The following MTMR9 variants were observed in gnomAD, a reference collection of about 807,000 sequenced individuals.
MTMR9 encodes the protein myotubularin related protein 9, also known as myotubularin-related protein 9.
Under a neutral mutation model 69.5 loss-of-function variants are expected in MTMR9, and 39 were observed. The observed-to-expected ratio is 0.56, with a 90% CI of 0.43 to 0.73. MTMR9 has a LOEUF of 0.73. Among genes scored for constraint, MTMR9 ranks in the 30% least tolerant of loss-of-function variants. The pLI is 0.00. For missense variants in MTMR9, 900 were observed against 671.2 expected, an observed-to-expected ratio of 1.34 and a Z score of -3.77; for synonymous variants, 354 against 240.8, an observed-to-expected ratio of 1.47 and a Z score of -4.35.
Position 11,322,635 on chromosome 8 carries a change from A to G in MTMR9, c.1497A>G (p.Leu499=). 3.7e-6 allele frequency: 6 copies of G among 1,613,410 alleles called. No individual in the cohort carries two copies. Among genetic ancestry groups the G allele is most frequent in the Non-Finnish European group, 5.1e-6 (6 of 1,179,684 alleles). ...TCCTGGATTCAATAGGTATTTTCCT[A>G]CGTTGGAATAGATCCTCTAAGTATT... ...QSLPLWEGIF[L]RWNRSSKYLD... Residue 499 remains leucine, a synonymous_variant, in exon 10 of 10, where the codon CTA becomes CTG. Transcript: ENST00000221086.
chr8:11,312,171 A>C lies in MTMR9; in HGVS notation c.971+2483A>C, dbSNP rs116198966. 9.9e-3 allele frequency among the ~76,000 whole-genome samples: 1,500 copies of C among 152,038 alleles called. 18 individuals are homozygous for C. The highest frequency in any genetic ancestry group is 0.034 in the African/African-American group (1,398 of 41,466). ...ATGATTCTCCCACCTCAGCCTCCCA[A>C]ATAGCCAGTACTACAGGTGCACACC... On this transcript the variant is annotated intron_variant, in intron 6 of 9. Transcript: ENST00000221086.
Position 11,316,755 on chromosome 8 carries a change from T to C in MTMR9, c.1196T>C (p.Leu399Pro). Residue 399 changes from leucine to proline, a missense_variant, in exon 8 of 10, where the codon CTC becomes CCC. Transcript: ENST00000221086. ...KQKWEAPVFL[L>P]FLDCVWQILR... ...AAGTGGGAGGCTCCTGTATTTCTTC[T>C]CTTCTTGGACTGCGTGTGGCAGATC... The C allele has an allele frequency of 6.2e-7, 1 of 1,613,960 alleles. No homozygotes were observed. The highest frequency in any genetic ancestry group is 8.5e-7 in the Non-Finnish European group (1 of 1,179,976).
At chr8:11,329,933 C>G (rs529069879), downstream of MTMR9, among the ~76,000 whole-genome samples, 1 of 152,028 alleles carries the variant, frequency 6.6e-6, no homozygotes, top group Non-Finnish European at 1.5e-5. Flanking sequence ...GCTGCGACCC[C>G]GTCTGGGAGG....
downstream of MTMR9, among the ~76,000 whole-genome samples, chr8:11,328,387 T>C (rs1017480932): frequency 3.4e-4 from 52 of 151,342 alleles, no homozygotes; most frequent in Middle Eastern, 6.8e-3. Context: ...TACACTGTTA[T>C]TTTGCTGAAA....
chr8:11,291,144 T>C (rs1458644201), intron 1 of MTMR9, among the ~76,000 whole-genome samples: 1 of 152,082 alleles, frequency 6.6e-6, no homozygotes, highest in Non-Finnish European at 1.5e-5. Flanking sequence ...CTTTATACAA[T>C]TTTCATAGGA....
At chr8:11,299,058 T>G (rs1473565049) in intron 2 of MTMR9, among the ~76,000 whole-genome samples, 2 of 152,166 alleles carry the variant, frequency 1.3e-5, no homozygotes, top group Non-Finnish European at 2.9e-5. Context: ...CCAGGTGCGG[T>G]GGCTCACACA....
chr8:11,311,136 A>T (rs988221471), intron 6 of MTMR9, among the ~76,000 whole-genome samples: 2 of 152,242 alleles, frequency 1.3e-5, no homozygotes, highest in Non-Finnish European at 2.9e-5. Context: ...TATGCAATAT[A>T]CACAGAAGCC....
intron 1 of MTMR9, among the ~76,000 whole-genome samples, chr8:11,288,445 C>G (rs561650682): frequency 6.7e-6 from 1 of 149,994 alleles, no homozygotes; most frequent in Non-Finnish European, 1.5e-5. Context: ...AGGCAGTTTC[C>G]TTAGAAAGGA....
chr8:11,290,278 A>C lies in MTMR9; in HGVS notation c.183-4916A>C, dbSNP rs1387218891. 2.0e-5 allele frequency among the ~76,000 whole-genome samples: 3 copies of C among 151,662 alleles called. No individual in the cohort carries two copies. The East Asian group carries it at 5.8e-4, about 29-fold the overall frequency. On this transcript the variant is annotated intron_variant, in intron 1 of 9. Transcript: ENST00000221086. ...TTTTTTTCCTTTTTGTGAATTGCCT[A>C]ATTTCTGTGGTCTACTTTTAAACAT...
At chr8:11,319,096 TAAA>T (rs1800551304) in intron 8 of MTMR9, 1 of 149,518 alleles carries the variant, frequency 6.7e-6, no homozygotes, top group African/African-American at 2.5e-5. Context: ...AAAATTAAAA[TAAA>T]AAATTAAAAA....
intron 2 of MTMR9, chr8:11,298,614 C>A (rs1005917114): frequency 6.4e-6 from 2 of 312,518 alleles, no homozygotes; most frequent in Non-Finnish European, 9.3e-6. Flanking sequence ...GAGATAAGTG[C>A]ATTCTGAGCA....
chr8:11,292,046 CCTT>C (rs765699271), intron 1 of MTMR9, among the ~76,000 whole-genome samples: 15 of 152,206 alleles, frequency 9.9e-5, no homozygotes, highest in Non-Finnish European at 1.6e-4. Flanking sequence ...GTAATCCCTT[CCTT>C]CTTTTCTTTT....
At chr8:11,314,891 C>T (rs765202786) in intron 6 of MTMR9, 32 bp from the exon 7 acceptor site, 2 of 1,604,986 alleles carry the variant, frequency 1.2e-6, no homozygotes, top group Non-Finnish European at 1.7e-6. Flanking sequence ...TGGACATTTC[C>T]CATTTGTACT....
chr8:11,321,584 T>C (rs1411599502), intron 9 of MTMR9: 2 of 449,302 alleles, frequency 4.5e-6, no homozygotes, highest in Admixed American at 4.7e-5. Context: ...GTGTGTTTCA[T>C]GCTCCTCAAC....
rs61227530 is a variant in MTMR9 at position 11,294,500 on chromosome 8, C to CTTTTTTTTTT, written c.183-685_183-676dup. On this transcript the variant is annotated intron_variant, in intron 1 of 9. Transcript: ENST00000221086. ...TGTTAGATTTTGTCAAATACTTTCA[C>CTTTTTTTTTT]TTTTTTTTTTTTTTTTTTGAGACAG... 7.1e-3 allele frequency among the ~76,000 whole-genome samples: 751 copies of CTTTTTTTTTT among 105,758 alleles called. 111 individuals carry two copies. The highest frequency in any genetic ancestry group is 0.026 in the African/African-American group (582 of 22,420). The allele number at this position is 105,758 out of a possible 152,430, so 69.4% of individuals were successfully genotyped here.
intron 6 of MTMR9, among the ~76,000 whole-genome samples, chr8:11,313,358 A>G (rs577120247): frequency 6.6e-6 from 1 of 152,344 alleles, no homozygotes; most frequent in East Asian, 1.9e-4. Flanking sequence ...AACTTTGTCC[A>G]TGTGAGCAGT....
At chr8:11,291,159 A>T (rs998172451) in intron 1 of MTMR9, among the ~76,000 whole-genome samples, 1 of 152,094 alleles carries the variant, frequency 6.6e-6, no homozygotes, top group African/African-American at 2.4e-5. Flanking sequence ...ATAGGATTTT[A>T]AAAAAATGAA....
chr8:11,311,730 T>A (rs1236816572), intron 6 of MTMR9, among the ~76,000 whole-genome samples: 1 of 152,172 alleles, frequency 6.6e-6, no homozygotes, highest in Non-Finnish European at 1.5e-5. Context: ...GATTGCCGCA[T>A]CAATTGACTC....
At chr8:11,331,014 A>G, downstream of MTMR9, 2 of 1,501,404 alleles carry the variant, frequency 1.3e-6, no homozygotes, top group Non-Finnish European at 1.8e-6. Flanking sequence ...CCAGGGAAGA[A>G]CCCCACCCGC....
Sources: allele counts gnomAD v4.1 joint callset (sites outside exome capture counted in the v4.1 genomes callset), GRCh38; gene constraint gnomAD v4.1.1; transcripts MANE v1.5; gene names NCBI Gene and HGNC (gene_info 2026-07-23, HGNC 2026-07-21).